Variants in DOCK4 observed in about 807,000 individuals in gnomAD.
The protein encoded by DOCK4 is dedicator of cytokinesis 4.
DOCK4 carries 97 observed loss-of-function variants against 268.1 expected under a neutral mutation model. That is an observed-to-expected ratio of 0.36 (90% CI 0.31 to 0.43). DOCK4 has a LOEUF of 0.43. DOCK4 is among the 20% of genes least tolerant of loss of function. DOCK4 has a pLI of 1.00. For synonymous variants in DOCK4, 954 were observed against 887.2 expected (o/e 1.08, Z -1.34); for missense variants, 2,145 against 2,455.7 (o/e 0.87, Z 2.67).
At chr7:111,962,132 C>A (rs1004256782) in intron 8 of DOCK4, among the ~76,000 whole-genome samples, 1 of 152,124 alleles carries the variant, frequency 6.6e-6, no homozygotes, top group Non-Finnish European at 1.5e-5. Flanking sequence ...AAGCAAATCA[C>A]ACCTCTGATT....
intron 52 of DOCK4, among the ~76,000 whole-genome samples, 195 bp from the exon 53 acceptor site, chr7:111,728,915 G>A (rs188335772): frequency 2.6e-4 from 40 of 152,284 alleles, no homozygotes; most frequent in African/African-American, 9.1e-4. Context: ...GCTGACTGGT[G>A]TCCTTATAAG....
At chr7:111,974,453 C>T (rs922928375) in intron 8 of DOCK4, among the ~76,000 whole-genome samples, 8 of 148,754 alleles carry the variant, frequency 5.4e-5, no homozygotes, top group Non-Finnish European at 4.4e-5. Context: ...CTTGATTTCT[C>T]CGAGGATCAT....
chr7:111,928,773 G>A (rs986605908), intron 12 of DOCK4, among the ~76,000 whole-genome samples: 11 of 151,940 alleles, frequency 7.2e-5, no homozygotes, highest in Admixed American at 2.0e-4. Context: ...ATTTTTAGTA[G>A]AGATGGGTTT....
chr7:111,992,978 C>G (rs1341814445), intron 5 of DOCK4, among the ~76,000 whole-genome samples: 2 of 152,162 alleles, frequency 1.3e-5, no homozygotes, highest in African/African-American at 4.8e-5. Context: ...ACAGAGCCCT[C>G]GAGGTCGGTT....
At chr7:112,085,528 A>C (rs770696878) in intron 1 of DOCK4, among the ~76,000 whole-genome samples, 13 of 152,166 alleles carry the variant, frequency 8.5e-5, no homozygotes, top group African/African-American at 2.4e-5. Context: ...AGAAAGTATC[A>C]AGCATTTATC....
rs1304528429 is a variant in DOCK4 at position 111,972,547 on chromosome 7, T to C, written c.701+4585A>G. Among the ~76,000 whole-genome samples, 6 of 152,170 alleles carry C rather than the reference T, an allele frequency of 3.9e-5. No homozygotes were observed. The East Asian group carries it at 1.2e-3, about 29-fold the overall frequency. On this transcript the variant is annotated intron_variant, in intron 8 of 52. Coordinates refer to ENST00000428084, the MANE Select transcript of DOCK4 (RefSeq NM_001363540.2). ...TGTCTTATGTGAGGAATAAACACCCTGTTTCCTAATCCGTCCTCTACAGGT... is the reference window on the plus strand; with the variant it reads ...TGTCTTATGTGAGGAATAAACACCCCGTTTCCTAATCCGTCCTCTACAGGT...
intron 1 of DOCK4, among the ~76,000 whole-genome samples, chr7:112,169,861 T>C (rs1475721742): frequency 6.6e-6 from 1 of 152,218 alleles, no homozygotes; most frequent in Non-Finnish European, 1.5e-5. Flanking sequence ...CACTGGGGTA[T>C]AGCTTGCCTA....
chr7:112,089,685 G>A (rs1038000520), intron 1 of DOCK4, among the ~76,000 whole-genome samples: 8 of 152,064 alleles, frequency 5.3e-5, no homozygotes, highest in Admixed American at 5.2e-4. Context: ...ATGATAGTGA[G>A]TGAGTTCTCA....
intron 12 of DOCK4, among the ~76,000 whole-genome samples, chr7:111,931,475 A>C (rs1028035931): frequency 6.6e-6 from 1 of 152,164 alleles, no homozygotes; most frequent in Non-Finnish European, 1.5e-5. Context: ...GGACACATCT[A>C]AACATGGGAG....
chr7:111,745,251 C>T (rs1431792149), intron 44 of DOCK4, among the ~76,000 whole-genome samples: 2 of 152,228 alleles, frequency 1.3e-5, no homozygotes, highest in African/African-American at 4.8e-5. Context: ...TATAGGTTTA[C>T]TTTGCAAAAT....
intron 1 of DOCK4, among the ~76,000 whole-genome samples, chr7:112,048,738 A>G (rs1447615706): frequency 2.6e-5 from 4 of 151,396 alleles, no homozygotes; most frequent in East Asian, 2.0e-4. Context: ...AAAAAAAAAC[A>G]TCAACCTAGA....
intron 1 of DOCK4, among the ~76,000 whole-genome samples, chr7:112,154,879 G>T (rs1245730617): frequency 6.6e-6 from 1 of 152,124 alleles, no homozygotes; most frequent in South Asian, 2.1e-4. Flanking sequence ...AGGAGCTCTG[G>T]CCTGACACAA....
intron 16 of DOCK4, 39 bp downstream of exon 16, chr7:111,895,573 G>GT (rs1415612250): frequency 1.3e-6 from 2 of 1,567,954 alleles, no homozygotes; most frequent in East Asian, 2.2e-5. Flanking sequence ...TTTCAGCACT[G>GT]TTTTTTACTG....
chr7:111,822,272 C>A, intron 27 of DOCK4, 90 bp downstream of exon 27: 3 of 1,150,846 alleles, frequency 2.6e-6, no homozygotes, highest in South Asian at 1.5e-5. Flanking sequence ...AAAAAAACTG[C>A]AAACTTGAGA....
chr7:112,196,367 C>T (rs890334873), intron 1 of DOCK4, among the ~76,000 whole-genome samples: 3 of 152,190 alleles, frequency 2.0e-5, no homozygotes, highest in Admixed American at 2.0e-4. Flanking sequence ...AAAAACTACA[C>T]TATCCAGTAA....
At position 111,762,762 on chromosome 7, in the gene DOCK4, C is replaced by CTTTTTTTTTTTTTTTTTTTT. The variant is rs869052136; in HGVS notation, c.4020+2336_4020+2355dup. Among the ~76,000 whole-genome samples the CTTTTTTTTTTTTTTTTTTTT allele has an allele frequency of 2.4e-3, 151 of 63,070 alleles. 9 individuals are homozygous for CTTTTTTTTTTTTTTTTTTTT. The highest frequency in any genetic ancestry group is 0.014 in the Middle Eastern group (1 of 70). The allele number at this position is 63,070 out of a possible 152,430, so 41.4% of individuals were successfully genotyped here. On this transcript the variant is annotated intron_variant, in intron 39 of 52. Transcript: ENST00000428084. ...TAAATAACCCATTTTGTTTTGTTTT[C>CTTTTTTTTTTTTTTTTTTTT]TTTTTTTTTTTTTTTTTTTTTTTTG...
At chr7:111,907,410 C>T (rs1169479391) in intron 13 of DOCK4, among the ~76,000 whole-genome samples, 1 of 152,166 alleles carries the variant, frequency 6.6e-6, no homozygotes, top group East Asian at 1.9e-4. Flanking sequence ...TGCCATCCCA[C>T]TCTGAGACAA....
chr7:112,036,140 G>A (rs1471118952), intron 1 of DOCK4, among the ~76,000 whole-genome samples: 2 of 151,876 alleles, frequency 1.3e-5, no homozygotes, highest in African/African-American at 4.8e-5. Flanking sequence ...TGCAATTCAA[G>A]CATAAAAACA....
chr7:112,031,838 CA>C (rs1803304197), intron 1 of DOCK4, among the ~76,000 whole-genome samples: 1 of 152,050 alleles, frequency 6.6e-6, no homozygotes, highest in Non-Finnish European at 1.5e-5. Context: ...GTGAACATGT[CA>C]AAAAAGTGTC....
Sources: gnomAD v4.1 joint callset for allele counts (sites outside exome capture counted in the v4.1 genomes callset) on GRCh38, gnomAD v4.1.1 for gene constraint, MANE v1.5 for transcripts, NCBI Gene and HGNC (gene_info 2026-07-23, HGNC 2026-07-21) for gene names.